The following PGR variants were observed in gnomAD, a reference collection of about 807,000 sequenced individuals.
PGR encodes nuclear receptor subfamily 3 group C member 3.
In PGR, 25 loss-of-function variants were observed where a neutral mutation model predicts 76.1. The observed-to-expected ratio is 0.33, with a 90% CI of 0.24 to 0.46. PGR has a LOEUF of 0.46. PGR is among the 20% of genes least tolerant of loss of function. PGR has a pLI of 1.00. For synonymous variants in PGR, 579 were observed against 535.0 expected, an observed-to-expected ratio of 1.08 and a Z score of -1.14; for missense variants, 1,172 against 1,225.3, an observed-to-expected ratio of 0.96 and a Z score of 0.65.
chr11:101,124,220 A>G (rs1862768489), intron 2 of PGR, among the ~76,000 whole-genome samples: 1 of 152,210 alleles, frequency 6.6e-6, no homozygotes, highest in African/African-American at 2.4e-5. Flanking sequence ...GGAGTCCAAC[A>G]AATGCTTTCT....
At chr11:101,122,974 G>A (rs941683660) in intron 2 of PGR, among the ~76,000 whole-genome samples, 17 of 152,036 alleles carry the variant, frequency 1.1e-4, no homozygotes, top group African/African-American at 4.1e-4. Flanking sequence ...TTCATCACTT[G>A]GCTCACATCT....
intron 1 of PGR, 197 bp downstream of exon 1, chr11:101,127,237 G>C (rs1216235464): frequency 9.8e-6 from 4 of 409,002 alleles, no homozygotes; most frequent in Non-Finnish European, 1.3e-5. Flanking sequence ...GCCCACCTTC[G>C]TGTCCCCAAG....
chr11:101,072,535 A>G (rs1380214147), intron 3 of PGR, among the ~76,000 whole-genome samples: 1 of 152,200 alleles, frequency 6.6e-6, no homozygotes, highest in Non-Finnish European at 1.5e-5. Context: ...AGACCAGCAA[A>G]CTGGATAAAG....
chr11:101,123,105 A>G lies in PGR; in HGVS notation c.1789+2902T>C, dbSNP rs1211349171. Among the ~76,000 whole-genome samples, 2 of 152,162 alleles carry G rather than the reference A, an allele frequency of 1.3e-5. 1 individual carries two copies. Among genetic ancestry groups the G allele is most frequent in the South Asian group, 4.1e-4 (2 of 4,826 alleles). ...CCTGGATTTGAATCCTGACTTTACC[A>G]TTTCCTAAGCGTATTAAGACAGCTT... On this transcript the variant is annotated intron_variant, in intron 2 of 7. Coordinates refer to ENST00000325455, the MANE Select transcript of PGR (RefSeq NM_000926.4).
chr11:101,073,947 T>C (rs1470740003), intron 3 of PGR, among the ~76,000 whole-genome samples: 2 of 151,834 alleles, frequency 1.3e-5, no homozygotes, highest in South Asian at 2.1e-4. Flanking sequence ...TTCCAAACAA[T>C]AGAAAAAGAG....
intron 3 of PGR, among the ~76,000 whole-genome samples, chr11:101,069,757 C>A (rs1325535495): frequency 6.6e-6 from 1 of 151,994 alleles, no homozygotes; most frequent in African/African-American, 2.4e-5. Flanking sequence ...AACACAAGAA[C>A]AGAAAACCAA....
At chr11:101,096,820 C>T (rs1045027601) in intron 2 of PGR, among the ~76,000 whole-genome samples, 17 of 152,166 alleles carry the variant, frequency 1.1e-4, no homozygotes, top group Non-Finnish European at 1.6e-4. Flanking sequence ...TTCTTCTCCT[C>T]AGTCCAACAT....
In PGR at chr11:101,129,172, G is replaced by C. The variant is rs1396817971; in HGVS notation, c.-102C>G. 1.3e-6 allele frequency: 1 copy of C among 795,042 alleles called. No homozygotes were observed. The highest frequency in any genetic ancestry group is 1.8e-5 in the African/African-American group (1 of 55,218). The allele number at this position is 795,042 out of a possible 1,614,324, so 49.2% of individuals were successfully genotyped here. On this transcript the variant is annotated 5_prime_UTR_variant, in exon 1 of 8. Transcript: ENST00000325455. ...ATAGGGGCAGAGGGAGGAGAAAGTG[G>C]GTGTTGAATGTGGCTGGACCGGAGG...
chr11:101,125,785 G>C lies in PGR; in HGVS notation c.1789+222C>G, dbSNP rs11571157. Among the ~76,000 whole-genome samples the C allele has an allele frequency of 4.3e-3, 656 of 152,234 alleles. 8 individuals carry two copies. Among genetic ancestry groups the C allele is most frequent in the African/African-American group, 0.015 (604 of 41,558 alleles). ...ATTTTTATGACTTATGTCTAATACT[G>C]AAAGTGTTAGTCAAAGAGTATGCAA... is the stretch of plus-strand genomic sequence containing the variant. On this transcript the variant is annotated intron_variant, in intron 2 of 7. Transcript: ENST00000325455.
chr11:101,110,049 A>G (rs1034085019), intron 2 of PGR, among the ~76,000 whole-genome samples: 3 of 152,180 alleles, frequency 2.0e-5, no homozygotes, highest in Non-Finnish European at 4.4e-5. Flanking sequence ...TAACTACTTT[A>G]AGCCCACTGT....
At chr11:101,044,204 T>C (rs957369511) in intron 6 of PGR, among the ~76,000 whole-genome samples, 5 of 152,226 alleles carry the variant, frequency 3.3e-5, no homozygotes, top group African/African-American at 1.2e-4. Flanking sequence ...CTAGATCTTC[T>C]GGGTAACTTG....
intron 2 of PGR, among the ~76,000 whole-genome samples, chr11:101,093,970 G>A (rs1861758313): frequency 6.6e-6 from 1 of 152,132 alleles, no homozygotes; most frequent in East Asian, 1.9e-4. Context: ...GTCTCAAAGA[G>A]TCCTCCTTAC....
intron 4 of PGR, among the ~76,000 whole-genome samples, chr11:101,060,395 G>A (rs1777021972): frequency 1.3e-5 from 2 of 152,152 alleles, no homozygotes; most frequent in Non-Finnish European, 2.9e-5. Context: ...TCCACACCAT[G>A]AGCCCAGCCT....
intron 3 of PGR, among the ~76,000 whole-genome samples, chr11:101,065,595 C>T (rs1271581850): frequency 6.6e-6 from 1 of 152,128 alleles, no homozygotes; most frequent in Non-Finnish European, 1.5e-5. Context: ...TTTAGAATGA[C>T]TTTGTATTAT....
intron 2 of PGR, among the ~76,000 whole-genome samples, chr11:101,099,371 T>C (rs1249796478): frequency 6.6e-6 from 1 of 152,154 alleles, no homozygotes; most frequent in Non-Finnish European, 1.5e-5. Context: ...CAATCTATCA[T>C]GTTAGAAATT....
At chr11:101,087,212 T>C (rs1861527447) in intron 3 of PGR, among the ~76,000 whole-genome samples, 1 of 152,104 alleles carries the variant, frequency 6.6e-6, no homozygotes, top group African/African-American at 2.4e-5. Flanking sequence ...CAAAACAGCA[T>C]GATACTGGCA....
chr11:101,066,751 C>T (rs543449041), intron 3 of PGR, among the ~76,000 whole-genome samples: 1 of 152,252 alleles, frequency 6.6e-6, no homozygotes, highest in Admixed American at 6.5e-5. Flanking sequence ...TTACTGATAC[C>T]TCACTTATTT....
chr11:101,127,669 C>T lies in PGR; in HGVS notation c.1402G>A (p.Ala468Thr). ...LECILYKAEG[A>T]PPQQGPFAPP... Reference sequence around the variant, plus strand: ...GCGAACGGGCCCTGCTGGGGCGGCGCGCCCTCCGCTTTGTACAGGATGCAC... The same window carrying T: ...GCGAACGGGCCCTGCTGGGGCGGCGTGCCCTCCGCTTTGTACAGGATGCAC... The change falls in exon 1 of 8, where the codon GCG (alanine) becomes ACG (threonine). Residue 468 changes from alanine (A) to threonine (T), a missense_variant. Physicochemically the swap from Ala to Thr is moderately conservative, Grantham distance 58. Transcript: ENST00000325455. 1 of 1,540,458 alleles carries T rather than the reference C, an allele frequency of 6.5e-7. No homozygotes were observed. The highest frequency in any genetic ancestry group is 8.7e-7 in the Non-Finnish European group (1 of 1,151,910).
chr11:101,074,767 C>T (rs1220536027), intron 3 of PGR, among the ~76,000 whole-genome samples: 6 of 152,028 alleles, frequency 3.9e-5, no homozygotes, highest in African/African-American at 1.4e-4. Flanking sequence ...ATACAAGTCA[C>T]GAGAAATGTG....
Sources: allele counts gnomAD v4.1 joint callset (sites outside exome capture counted in the v4.1 genomes callset), GRCh38; gene constraint gnomAD v4.1.1; transcripts MANE v1.5; gene names NCBI Gene and HGNC (gene_info 2026-07-23, HGNC 2026-07-21).